Variants in CADM1 observed in about 807,000 individuals in gnomAD.
CADM1 encodes cell adhesion molecule 1, also known as TSLC-1.
A neutral mutation model predicts 53.1 loss-of-function variants in CADM1; 15 were observed. The ratio of observed to expected loss-of-function variants is 0.28; its 90% CI spans 0.19 to 0.44. The LOEUF (loss-of-function observed/expected upper bound fraction) is 0.44. CADM1 is among the 20% of genes least tolerant of loss of function. The probability of loss-of-function intolerance (pLI) is 1.00; values close to 1 mark genes in which losing one functional copy is unlikely to be tolerated. For missense variants in CADM1, 434 were observed against 611.3 expected, an observed-to-expected ratio of 0.71 and a Z score of 3.06; for synonymous variants, 281 against 243.0, an observed-to-expected ratio of 1.16 and a Z score of -1.45.
At chr11:115,260,189 C>A (rs918380524) in intron 1 of CADM1, among the ~76,000 whole-genome samples, 1 of 152,092 alleles carries the variant, frequency 6.6e-6, no homozygotes, top group Non-Finnish European at 1.5e-5. Flanking sequence ...CTTGGCTTCC[C>A]AAAGTGTTGG....
At chr11:115,210,445 T>C (rs1159303835) in intron 7 of CADM1, among the ~76,000 whole-genome samples, 1 of 152,170 alleles carries the variant, frequency 6.6e-6, no homozygotes, top group Non-Finnish European at 1.5e-5. Context: ...GAACCCTCTG[T>C]CAGATATTTG....
chr11:115,360,201 G>A (rs1334819803), intron 1 of CADM1, among the ~76,000 whole-genome samples: 2 of 152,186 alleles, frequency 1.3e-5, no homozygotes, highest in African/African-American at 4.8e-5. Flanking sequence ...CTTAAGAGCA[G>A]TGAGGTACAG....
At chr11:115,308,139 CTCTGTGTGTG>C (rs1236976618) in intron 1 of CADM1, among the ~76,000 whole-genome samples, 13 of 120,740 alleles carry the variant, frequency 1.1e-4, no homozygotes, top group Admixed American at 5.6e-4. Context: ...CAAACTCTCT[CTCTGTGTGTG>C]TGTGTGTGTG....
chr11:115,331,483 C>T (rs1368980621), intron 1 of CADM1, among the ~76,000 whole-genome samples: 2 of 152,214 alleles, frequency 1.3e-5, no homozygotes, highest in Middle Eastern at 3.4e-3. Context: ...AAGGTAAGCA[C>T]ATTGTTCAGG....
At chr11:115,343,909 T>C (rs1408543266) in intron 1 of CADM1, among the ~76,000 whole-genome samples, 1 of 152,166 alleles carries the variant, frequency 6.6e-6, no homozygotes, top group African/African-American at 2.4e-5. Flanking sequence ...CAATATTCTA[T>C]ATAATCTCAA....
At chr11:115,239,435 A>C (rs1942137652) in intron 2 of CADM1, among the ~76,000 whole-genome samples, 1 of 152,208 alleles carries the variant, frequency 6.6e-6, no homozygotes, top group African/African-American at 2.4e-5. Flanking sequence ...CAAAACTGAT[A>C]CATGTGGGCC....
chr11:115,467,409 G>A (rs1040535115), intron 1 of CADM1, among the ~76,000 whole-genome samples: 2 of 152,184 alleles, frequency 1.3e-5, no homozygotes, highest in Non-Finnish European at 2.9e-5. Context: ...CCTCAGAAGA[G>A]CTATGATCCC....
chr11:115,416,006 C>T (rs1239857639), intron 1 of CADM1, among the ~76,000 whole-genome samples: 1 of 151,934 alleles, frequency 6.6e-6, no homozygotes, highest in African/African-American at 2.4e-5. Context: ...AAAGGAAAAC[C>T]GAAAACAAAC....
At chr11:115,229,954 A>G (rs1941757232) in intron 4 of CADM1, among the ~76,000 whole-genome samples, 1 of 152,186 alleles carries the variant, frequency 6.6e-6, no homozygotes, top group Non-Finnish European at 1.5e-5. Context: ...ACACCCAGAA[A>G]AGGAGGGAGG....
intron 1 of CADM1, among the ~76,000 whole-genome samples, chr11:115,474,780 T>C (rs1308606911): frequency 6.6e-6 from 1 of 151,870 alleles, no homozygotes; most frequent in Non-Finnish European, 1.5e-5. Flanking sequence ...CACACCAACA[T>C]GGCACATGTA....
intron 10 of CADM1, among the ~76,000 whole-genome samples, chr11:115,185,785 A>G (rs1254409603): frequency 2.6e-5 from 4 of 152,244 alleles, no homozygotes; most frequent in African/African-American, 7.2e-5. Flanking sequence ...TTAAAGGAAT[A>G]TACGCCTGAT....
intron 1 of CADM1, among the ~76,000 whole-genome samples, chr11:115,274,217 G>A (rs1943381917): frequency 6.6e-6 from 1 of 152,196 alleles, no homozygotes; most frequent in South Asian, 2.1e-4. Context: ...TGTTCAAATG[G>A]AAACACAGAG....
chr11:115,328,471 A>G (rs1207345161), intron 1 of CADM1, among the ~76,000 whole-genome samples: 1 of 151,438 alleles, frequency 6.6e-6, no homozygotes, highest in Non-Finnish European at 1.5e-5. Context: ...TCCTTCAACA[A>G]GTATTTCTTT....
In CADM1 at chr11:115,433,179, G is replaced by C. The variant is rs113847904; in HGVS notation, c.124+71092C>G. Among the ~76,000 whole-genome samples the C allele has an allele frequency of 1.2e-4, 19 of 152,254 alleles. 2 individuals are homozygous for C. The highest frequency in any genetic ancestry group is 4.6e-4 in the African/African-American group (19 of 41,538). On this transcript the variant is annotated intron_variant, in intron 1 of 11. Transcript: ENST00000331581. ...TATGAGACTTCCTCTGCTGATTGCT[G>C]TACAGTGACTTTTCTTCTTCTTCTT... is the stretch of plus-strand genomic sequence containing the variant.
At chr11:115,254,549 AACACAC>A (rs58261564) in intron 1 of CADM1, among the ~76,000 whole-genome samples, 8,352 of 134,890 alleles carry the variant, frequency 0.062, 479 homozygotes, top group African/African-American at 0.15. Flanking sequence ...AAGGGAGACA[AACACAC>A]ACACACACAC....
intron 1 of CADM1, among the ~76,000 whole-genome samples, chr11:115,496,746 G>A (rs1287675153): frequency 6.6e-6 from 1 of 152,076 alleles, no homozygotes; most frequent in East Asian, 1.9e-4. Context: ...TCCAGAGAAT[G>A]TCACTTAGAA....
At chr11:115,352,975 T>C (rs1361017503) in intron 1 of CADM1, among the ~76,000 whole-genome samples, 1 of 152,238 alleles carries the variant, frequency 6.6e-6, no homozygotes, top group African/African-American at 2.4e-5. Context: ...TGAATAGTGC[T>C]GCAGTGAACA....
intron 1 of CADM1, among the ~76,000 whole-genome samples, chr11:115,453,936 T>C (rs1194424755): frequency 6.6e-6 from 1 of 152,112 alleles, no homozygotes; most frequent in Non-Finnish European, 1.5e-5. Flanking sequence ...ACTTATAAGA[T>C]ATATCCTTCT....
intron 1 of CADM1, among the ~76,000 whole-genome samples, chr11:115,317,116 A>G (rs1429395308): frequency 6.6e-6 from 1 of 152,208 alleles, no homozygotes; most frequent in East Asian, 1.9e-4. Context: ...AATGACTTTT[A>G]AAAACTATAA....
Sources: gnomAD v4.1 joint callset for allele counts (sites outside exome capture counted in the v4.1 genomes callset) on GRCh38, gnomAD v4.1.1 for gene constraint, MANE v1.5 for transcripts, NCBI Gene and HGNC (gene_info 2026-07-23, HGNC 2026-07-21) for gene names.